Variants in CDH18 observed in about 807,000 individuals in gnomAD.
The protein encoded by CDH18 is cadherin-18.
CDH18 carries 31 observed loss-of-function variants against 67.9 expected under a neutral mutation model. The ratio of observed to expected loss-of-function variants is 0.46; its 90% CI spans 0.34 to 0.62. CDH18 has a LOEUF of 0.62. Ranked by LOEUF, CDH18 falls within the 20% of genes least tolerant of loss-of-function variation. The pLI is 0.01. For missense variants in CDH18, 890 were observed against 975.5 expected (o/e 0.91, Z 1.17); for synonymous variants, 362 against 347.2 (o/e 1.04, Z -0.48).
chr5:19,942,208 GACACCCTTTTGGAAGA>G (rs1441060390), intron 2 of CDH18, among the ~76,000 whole-genome samples: 1 of 152,170 alleles, frequency 6.6e-6, no homozygotes, highest in Non-Finnish European at 1.5e-5. Context: ...GGAGGATACA[GACACCCTTTTGGAAGA>G]AGAATTTCAG....
At chr5:19,728,724 G>A (rs1341305949) in intron 4 of CDH18, among the ~76,000 whole-genome samples, 1 of 152,158 alleles carries the variant, frequency 6.6e-6, no homozygotes, top group African/African-American at 2.4e-5. Flanking sequence ...AGGGTTAACA[G>A]CTCTGTTAAA....
At chr5:19,925,904 G>A (rs568270669) in intron 2 of CDH18, among the ~76,000 whole-genome samples, 1 of 152,232 alleles carries the variant, frequency 6.6e-6, no homozygotes, top group Non-Finnish European at 1.5e-5. Context: ...TGATTCAACT[G>A]GGAATGGCAC....
In CDH18 at chr5:19,960,559, G is replaced by A. The variant is rs200615029; in HGVS notation, c.-257+20501C>T. On this transcript the variant is annotated intron_variant, in intron 2 of 12. Transcript: ENST00000382275. ...ATGTTTAATATACGTGTGTGTGTGTGTATGTGTGTGTGTGTGTGTGTGTGT... is the reference window on the plus strand; with the variant it reads ...ATGTTTAATATACGTGTGTGTGTGTATATGTGTGTGTGTGTGTGTGTGTGT... Among the ~76,000 whole-genome samples the A allele has an allele frequency of 6.8e-4, 53 of 78,420 alleles. 1 individual carries two copies. Among genetic ancestry groups the A allele is most frequent in the African/African-American group, 2.8e-3 (52 of 18,580 alleles). The allele number at this position is 78,420 out of a possible 152,430, so 51.4% of individuals were successfully genotyped here.
intron 7 of CDH18, among the ~76,000 whole-genome samples, chr5:19,588,971 CATT>C (rs895444910): frequency 3.3e-5 from 5 of 152,036 alleles, no homozygotes; most frequent in Non-Finnish European, 5.9e-5. Flanking sequence ...ACCTCACTGA[CATT>C]ATGAGACAGA....
chr5:19,561,492 C>CT (rs1739445558), intron 8 of CDH18, among the ~76,000 whole-genome samples: 1 of 152,018 alleles, frequency 6.6e-6, no homozygotes, highest in Admixed American at 6.6e-5. Context: ...ATACAATGGA[C>CT]TTTGGGGACT....
intron 2 of CDH18, among the ~76,000 whole-genome samples, chr5:20,146,253 G>A (rs1750636331): frequency 6.6e-6 from 1 of 151,888 alleles, no homozygotes; most frequent in African/African-American, 2.4e-5. Flanking sequence ...TTTCCTACTT[G>A]GAATTTATTT....
At chr5:20,336,037 G>T (rs139309559) in intron 1 of CDH18, among the ~76,000 whole-genome samples, 16 of 152,264 alleles carry the variant, frequency 1.1e-4, no homozygotes, top group Middle Eastern at 3.4e-3. Flanking sequence ...TATTGAGAGA[G>T]GAGGCAATTA....
rs34342467 is a variant in CDH18, at chr5:19,845,853, A to AAT, written c.-256-6613_-256-6612dup. ...TCTCTTTCGCTTAACATTTGCATGG[A>AAT]ATATATATATATGTATTATCCTTTC... is the stretch of plus-strand genomic sequence containing the variant. On this transcript the variant is annotated intron_variant, in intron 2 of 12. Coordinates refer to ENST00000382275, the MANE Select transcript of CDH18 (RefSeq NM_004934.5). 4.6e-3 allele frequency among the ~76,000 whole-genome samples: 699 copies of AAT among 151,000 alleles called. 6 individuals carry two copies. The highest frequency in any genetic ancestry group is 0.013 in the African/African-American group (553 of 41,320).
At position 20,522,436 on chromosome 5, in the gene CDH18, G is replaced by A. The variant is rs570046767; in HGVS notation, c.-580+53026C>T. Among the ~76,000 whole-genome samples the A allele has an allele frequency of 3.3e-5, 5 of 152,150 alleles. No individual in the cohort carries two copies. The South Asian group carries it at 1.0e-3, about 32-fold the overall frequency. ...AATCTTATCCTTTAATAAATGACTG[G>A]TGAAACTATGGTTTATGTGTAATAT... On this transcript the variant is annotated intron_variant, in intron 1 of 14. Coordinates refer to the CDH18 transcript ENST00000507958.
chr5:19,759,315 C>G (rs1217599923), intron 3 of CDH18, among the ~76,000 whole-genome samples: 1 of 152,134 alleles, frequency 6.6e-6, no homozygotes, highest in Non-Finnish European at 1.5e-5. Context: ...TTGATGGTGG[C>G]ACTAATGTCT....
At chr5:20,403,473 C>T (rs1032220312) in intron 1 of CDH18, among the ~76,000 whole-genome samples, 1 of 152,122 alleles carries the variant, frequency 6.6e-6, no homozygotes, top group African/African-American at 2.4e-5. Flanking sequence ...GATCCATAGG[C>T]TGAAGAATAG....
chr5:19,691,226 T>C (rs1761833257), intron 5 of CDH18, among the ~76,000 whole-genome samples: 1 of 151,662 alleles, frequency 6.6e-6, no homozygotes, highest in Admixed American at 6.6e-5. Flanking sequence ...CTAACATTCC[T>C]ACAGGTGTAG....
chr5:19,666,466 T>C (rs1489774824), intron 5 of CDH18, among the ~76,000 whole-genome samples: 1 of 151,624 alleles, frequency 6.6e-6, no homozygotes. Flanking sequence ...TGATAAAACA[T>C]CTCCTGATGT....
chr5:20,415,375 A>C (rs1246541521), intron 1 of CDH18, among the ~76,000 whole-genome samples: 1 of 151,762 alleles, frequency 6.6e-6, no homozygotes, highest in Non-Finnish European at 1.5e-5. Flanking sequence ...AAAAAATAAA[A>C]TTAAAACCAG....
At chr5:20,375,603 C>T (rs1469451406) in intron 1 of CDH18, among the ~76,000 whole-genome samples, 1 of 152,162 alleles carries the variant, frequency 6.6e-6, no homozygotes, top group African/African-American at 2.4e-5. Context: ...CCATTAGAGA[C>T]TGCGCCTTTG....
intron 2 of CDH18, among the ~76,000 whole-genome samples, chr5:20,183,975 T>C (rs946685995): frequency 6.6e-6 from 1 of 152,096 alleles, no homozygotes; most frequent in Non-Finnish European, 1.5e-5. Context: ...CACGAAAATA[T>C]GTACACTAAA....
intron 1 of CDH18, among the ~76,000 whole-genome samples, chr5:20,428,538 T>C (rs116049785): frequency 0.027 from 4,098 of 152,278 alleles, 180 homozygotes; most frequent in African/African-American, 0.092. Context: ...CCATAGTGGT[T>C]GAAATAATTT....
intron 2 of CDH18, among the ~76,000 whole-genome samples, chr5:19,867,951 A>T (rs1040651724): frequency 6.6e-6 from 1 of 151,982 alleles, no homozygotes; most frequent in Non-Finnish European, 1.5e-5. Flanking sequence ...TTCTCAGGAG[A>T]TCTGATGGTT....
chr5:19,613,102 G>A (rs941399207), intron 5 of CDH18, among the ~76,000 whole-genome samples: 1 of 152,026 alleles, frequency 6.6e-6, no homozygotes, highest in East Asian at 1.9e-4. Context: ...CGGAGATCAC[G>A]CCACTGCACT....
Sources: allele counts gnomAD v4.1 joint callset (sites outside exome capture counted in the v4.1 genomes callset), GRCh38; gene constraint gnomAD v4.1.1; transcripts MANE v1.5; gene names NCBI Gene and HGNC (gene_info 2026-07-23, HGNC 2026-07-21).